Variants in CFLAR observed in about 807,000 individuals in gnomAD.
The protein encoded by CFLAR is CASP8 and FADD like apoptosis regulator, also known as CASP8 and FADD-like apoptosis regulator.
Under a neutral mutation model 51.1 loss-of-function variants are expected in CFLAR, and 14 were observed. The ratio of observed to expected loss-of-function variants is 0.27; its 90% confidence interval spans 0.18 to 0.43. The LOEUF is 0.43. Ranked by LOEUF, CFLAR falls within the 20% of genes least tolerant of loss-of-function variation. The probability of loss-of-function intolerance (pLI) is 1.00; values close to 1 mark genes in which losing one functional copy is unlikely to be tolerated. For synonymous variants in CFLAR, 210 were observed against 211.6 expected (o/e 0.99, Z 0.06); for missense variants, 390 against 566.5 (o/e 0.69, Z 3.16).
At position 201,165,213 on chromosome 2, in the gene CFLAR, A is replaced by G. The variant is rs1006316789; in HGVS notation, c.*1240A>G. 14 of 151,146 alleles carry G rather than the reference A, an allele frequency of 9.3e-5. No individual in the cohort carries two copies. The highest frequency in any genetic ancestry group is 3.4e-4 in the African/African-American group (14 of 41,092). The allele number at this position is 151,146 out of a possible 1,614,324, so 9.4% of individuals were successfully genotyped here. A position where few individuals can be genotyped will look rare whatever the true frequency, so the allele number is the denominator to read the frequency against. ...ATTTGATAGTGTGACCTAAAAGGGG[A>G]CCATTGTTTGAAATATCATTAGAGT... On this transcript the variant is annotated 3_prime_UTR_variant, in exon 10 of 10. Transcript: ENST00000309955.
Position 201,164,446 on chromosome 2 carries a change from G to A in CFLAR, c.*473G>A, listed in dbSNP as rs981317218. 6.6e-6 allele frequency: 1 copy of A among 152,302 alleles called. No homozygotes were observed. The highest frequency in any genetic ancestry group is 1.5e-5 in the Non-Finnish European group (1 of 68,136). The allele number at this position is 152,302 out of a possible 1,614,324, so 9.4% of individuals were successfully genotyped here. A position where few individuals can be genotyped will look rare whatever the true frequency, so the allele number is the denominator to read the frequency against. On this transcript the variant is annotated 3_prime_UTR_variant, in exon 10 of 10. Transcript: ENST00000309955. ...CCACAATAGGTCATCTGCAAGCAAG[G>A]AAGCCAATTCAAGTCCCAAAGCTGA...
rs367573411 is a variant in CFLAR, at chr2:201,152,978, A to T, written c.793+3143A>T. ...GCGGATGTATCTGTATACGAGCTCC[A>T]AGAATCAGAATGGCAGCTCTAGACA... is the stretch of plus-strand genomic sequence containing the variant. On this transcript the variant is annotated intron_variant, in intron 8 of 9. Coordinates refer to ENST00000309955, the MANE Select transcript of CFLAR (RefSeq NM_003879.7). The T allele has an allele frequency of 3.9e-5, 6 of 152,296 alleles. No homozygotes were observed. In the East Asian group the frequency reaches 1.2e-3, roughly 29 times the overall value. The allele number at this position is 152,296 out of a possible 1,614,324, so 9.4% of individuals were successfully genotyped here. A position where few individuals can be genotyped will look rare whatever the true frequency, so the allele number is the denominator to read the frequency against.
chr2:201,156,304 C>T (rs1453739974), intron 8 of CFLAR, among the ~76,000 whole-genome samples: 1 of 152,212 alleles, frequency 6.6e-6, no homozygotes, highest in African/African-American at 2.4e-5. Context: ...TGCGAAGAAA[C>T]CTATTTTAGC....
intron 4 of CFLAR, 186 bp from the exon 5 acceptor site, chr2:201,140,171 G>A (rs1421454650): frequency 1.1e-5 from 6 of 548,084 alleles, no homozygotes; most frequent in African/African-American, 6.1e-5. Context: ...GGGCCAGGGC[G>A]CCCTATACTC....
At chr2:201,136,407 G>C in intron 4 of CFLAR, 2 of 1,598,388 alleles carry the variant, frequency 1.3e-6, no homozygotes, top group Non-Finnish European at 1.7e-6. Flanking sequence ...TGGACATTCA[G>C]GGGTTTTGCA....
intron 4 of CFLAR, 193 bp downstream of exon 4, chr2:201,136,300 C>G: frequency 6.3e-7 from 1 of 1,599,052 alleles, no homozygotes; most frequent in Non-Finnish European, 8.5e-7. Context: ...ACTCCATTGC[C>G]CTGTATATTC....
chr2:201,148,487 G>A (rs971978679), intron 6 of CFLAR: 1 of 152,314 alleles, frequency 6.6e-6, no homozygotes, highest in Non-Finnish European at 1.5e-5. Context: ...TGCCCCCATT[G>A]TCACTGTCTT....
chr2:201,164,005 C>T lies in CFLAR; in HGVS notation c.*32C>T. 1.3e-6 allele frequency: 2 copies of T among 1,586,756 alleles called. No homozygotes were observed. The highest frequency in any genetic ancestry group is 1.4e-5 in the African/African-American group (1 of 73,908). The stretch of plus-strand genomic sequence containing the variant: ...AAAAGGCTGGGCGTAGTGGCTCACA[C>T]CTGTAATCCCAGCACTTTGGGAGGC... On this transcript the variant is annotated 3_prime_UTR_variant, in exon 10 of 10. Coordinates refer to ENST00000309955, the MANE Select transcript of CFLAR (RefSeq NM_003879.7).
chr2:201,152,486 C>G (rs560600690), intron 8 of CFLAR, among the ~76,000 whole-genome samples: 1 of 152,208 alleles, frequency 6.6e-6, no homozygotes, highest in East Asian at 1.9e-4. Flanking sequence ...TGAGCATGTA[C>G]TAGATGCCAA....
chr2:201,176,605 AC>A lies in CFLAR; in HGVS notation c.*12633del. On this transcript the variant is annotated 3_prime_UTR_variant, in exon 10 of 10. Coordinates refer to ENST00000309955, the MANE Select transcript of CFLAR (RefSeq NM_003879.7). ...CTCACTGTTTTTTGCCCTAGAAACA[AC>A]AAACTAACCTTGAAGTGAAAGGCCT... 6.6e-6 allele frequency: 1 copy of A among 152,292 alleles called. No individual in the cohort carries two copies. Among genetic ancestry groups the A allele is most frequent in the East Asian group, 1.9e-4 (1 of 5,194 alleles). The allele number at this position is 152,292 out of a possible 1,614,324, so 9.4% of individuals were successfully genotyped here.
intron 3 of CFLAR, among the ~76,000 whole-genome samples, chr2:201,135,442 G>A (rs1575678346): frequency 6.6e-6 from 1 of 152,120 alleles, no homozygotes; most frequent in African/African-American, 2.4e-5. Context: ...CTGCAACCAA[G>A]GAGCAGATTG....
chr2:201,149,074 T>G (rs1940799920), intron 7 of CFLAR, 22 bp downstream of exon 7: 4 of 1,545,844 alleles, frequency 2.6e-6, no homozygotes, highest in Non-Finnish European at 2.7e-6. Flanking sequence ...ATGATCTGAT[T>G]TGGTATTATA....
intron 5 of CFLAR, 185 bp downstream of exon 5, chr2:201,140,624 T>C (rs1938476443): frequency 3.7e-6 from 2 of 546,488 alleles, no homozygotes; most frequent in Admixed American, 3.9e-5. Flanking sequence ...ATTGAGATAT[T>C]TGGAGACTAT....
rs1943907954 is a variant in CFLAR, at chr2:201,169,877, A to G, written c.*5904A>G. 6.6e-6 allele frequency: 1 copy of G among 152,270 alleles called. No individual in the cohort carries two copies. The highest frequency in any genetic ancestry group is 2.4e-5 in the African/African-American group (1 of 41,468). 9.4% of individuals were successfully genotyped at this position (152,270 alleles called of 1,614,324 possible). The stretch of plus-strand genomic sequence containing the variant: ...AAAGCTCAACCTTACTGATCATTAG[A>G]GAAATGCAAAGGAGAACCACAATGA... On this transcript the variant is annotated 3_prime_UTR_variant, in exon 10 of 10. Coordinates refer to ENST00000309955, the MANE Select transcript of CFLAR (RefSeq NM_003879.7).
At position 201,167,748 on chromosome 2, in the gene CFLAR, A is replaced by G. The variant is rs1943729064; in HGVS notation, c.*3775A>G. Reference sequence around the variant, plus strand: ...GCTCTAGCTGCCATCTTGAACCATGAAGATACGGGCCACACGTAGGGGTAG... The same window carrying G: ...GCTCTAGCTGCCATCTTGAACCATGGAGATACGGGCCACACGTAGGGGTAG... On this transcript the variant is annotated 3_prime_UTR_variant, in exon 10 of 10. Coordinates refer to ENST00000309955, the MANE Select transcript of CFLAR (RefSeq NM_003879.7). 6.6e-6 allele frequency: 1 copy of G among 152,246 alleles called. No homozygotes were observed. The highest frequency in any genetic ancestry group is 2.4e-5 in the African/African-American group (1 of 41,438). 9.4% of individuals were successfully genotyped at this position (152,246 alleles called of 1,614,324 possible). A position where few individuals can be genotyped will look rare whatever the true frequency, so the allele number is the denominator to read the frequency against.
At chr2:201,130,729 G>T (rs1473024162) in intron 2 of CFLAR, among the ~76,000 whole-genome samples, 1 of 152,148 alleles carries the variant, frequency 6.6e-6, no homozygotes. Context: ...GTATGTGTTT[G>T]CCTGAAGGAT....
chr2:201,147,126 G>A (rs1940345102), intron 6 of CFLAR, among the ~76,000 whole-genome samples: 1 of 152,150 alleles, frequency 6.6e-6, no homozygotes. Flanking sequence ...TTTATCCTTG[G>A]TCATAATTGT....
intron 4 of CFLAR, chr2:201,136,512 A>G (rs898112876): frequency 3.2e-6 from 5 of 1,557,966 alleles, no homozygotes; most frequent in Non-Finnish European, 4.3e-6. Context: ...CCTTCCTTGC[A>G]TGTGTCCCAA....
intron 5 of CFLAR, among the ~76,000 whole-genome samples, chr2:201,143,010 G>A (rs1324756488): frequency 6.6e-6 from 1 of 152,090 alleles, no homozygotes; most frequent in Non-Finnish European, 1.5e-5. Flanking sequence ...GGTTTTCTGA[G>A]CTTTCTCTGC....
Sources: gnomAD v4.1 joint callset for allele counts (sites outside exome capture counted in the v4.1 genomes callset) on GRCh38, gnomAD v4.1.1 for gene constraint, MANE v1.5 for transcripts, NCBI Gene and HGNC (gene_info 2026-07-23, HGNC 2026-07-21) for gene names.